Variants in RAD54L observed in about 807,000 individuals in gnomAD.
The protein encoded by RAD54L is RAD54 like, also known as DNA repair and recombination protein RAD54-like.
Under a neutral mutation model 91.6 loss-of-function variants are expected in RAD54L, and 74 were observed. The observed-to-expected ratio is 0.81, with a 90% CI of 0.67 to 0.98. RAD54L has a LOEUF of 0.98. RAD54L is among the 50% of genes least tolerant of loss of function. RAD54L has a pLI of 0.00. For synonymous variants in RAD54L, 304 were observed against 349.7 expected, an observed-to-expected ratio of 0.87 and a Z score of 1.46; for missense variants, 887 against 945.7, an observed-to-expected ratio of 0.94 and a Z score of 0.81.
At chr1:46,273,524 T>C (rs1261468142) in intron 13 of RAD54L, 59 bp downstream of exon 13, 13 of 1,611,236 alleles carry the variant, frequency 8.1e-6, no homozygotes, top group Non-Finnish European at 1.1e-5. Flanking sequence ...AGATTTTTTT[T>C]TGTGCTAGGG....
chr1:46,267,419 G>A, intron 8 of RAD54L, 40 bp from the exon 9 acceptor site: 2 of 1,612,626 alleles, frequency 1.2e-6, no homozygotes, highest in Non-Finnish European at 1.7e-6. Context: ...TACCGTATAG[G>A]GAATGCCACA....
At chr1:46,271,697 T>C (rs1303809852) in intron 10 of RAD54L, among the ~76,000 whole-genome samples, 1 of 152,166 alleles carries the variant, frequency 6.6e-6, no homozygotes, top group Non-Finnish European at 1.5e-5. Flanking sequence ...AATTGGTGTT[T>C]TCTTAAGATC....
At chr1:46,252,420 G>C (rs1659826766) in intron 3 of RAD54L, among the ~76,000 whole-genome samples, 1 of 152,140 alleles carries the variant, frequency 6.6e-6, no homozygotes. Flanking sequence ...AGCTATTGCA[G>C]GTGGCCAAGC....
intron 2 of RAD54L, 74 bp downstream of exon 2, chr1:46,248,672 G>T: frequency 1.4e-6 from 2 of 1,387,380 alleles, no homozygotes; most frequent in Non-Finnish European, 2.0e-6. Flanking sequence ...TGGTTTCTAG[G>T]GTTACATAGC....
intron 3 of RAD54L, among the ~76,000 whole-genome samples, chr1:46,255,197 T>C (rs1659908115): frequency 6.6e-6 from 1 of 152,100 alleles, no homozygotes; most frequent in Non-Finnish European, 1.5e-5. Flanking sequence ...ATCAAATGAA[T>C]ATTTGTTTTT....
In RAD54L at chr1:46,261,288, G is replaced by A; in HGVS notation, c.794G>A (p.Arg265Lys). ...GGATTCATGAACCAGCGTGGAGCCA[G>A]GGTGTCTTCTCCCATCCTCATCATT... is the stretch of plus-strand genomic sequence containing the variant. ...LEGFMNQRGA[R>K]VSSPILIISY... The change falls in exon 8 of 18, where the codon AGG (arginine) becomes AAG (lysine). Residue 265 changes from arginine (R) to lysine (K), a missense_variant. Coordinates refer to ENST00000371975, the MANE Select transcript of RAD54L (RefSeq NM_003579.4). The A allele has an allele frequency of 6.2e-7, 1 of 1,613,694 alleles. No individual in the cohort carries two copies. The highest frequency in any genetic ancestry group is 8.5e-7 in the Non-Finnish European group (1 of 1,179,940).
Position 46,272,729 on chromosome 1 carries a change from A to C in RAD54L, c.1302A>C (p.Ala434=), listed in dbSNP as rs1454746525. The change falls in exon 12 of 18, where the codon GCA becomes GCC. Residue 434 remains alanine, a synonymous_variant. Transcript: ENST00000371975. ...GGTTTCTGAGACAAGCCAAACCGGC[A>C]GAAGAATTGCTTGAGGGCAAGATGA... ...YKRFLRQAKP[A]EELLEGKMSV... 3.1e-6 allele frequency: 5 copies of C among 1,614,074 alleles called. No homozygotes were observed. The Admixed American group carries it at 6.7e-5, about 22-fold the overall frequency.
intron 16 of RAD54L, chr1:46,277,387 G>A: frequency 3.9e-6 from 1 of 254,308 alleles, no homozygotes; most frequent in Non-Finnish European, 7.7e-6. Context: ...CTGTTTAAAT[G>A]TTTGTCTAGG....
intron 10 of RAD54L, among the ~76,000 whole-genome samples, chr1:46,272,046 T>TTTTTG: frequency 8.1e-6 from 1 of 123,386 alleles, no homozygotes; most frequent in Non-Finnish European, 1.7e-5. Context: ...TTTTTTTTTT[T>TTTTTG]TTTTTTTTTT....
chr1:46,254,892 C>T (rs1297750534), intron 3 of RAD54L, among the ~76,000 whole-genome samples: 1 of 152,016 alleles, frequency 6.6e-6, no homozygotes, highest in Admixed American at 6.6e-5. Context: ...CGGTTGGGAG[C>T]ATTGAGCTCT....
At position 46,278,444 on chromosome 1, in the gene RAD54L, T is replaced by TA. The variant is rs1021043575; in HGVS notation, c.*170dup. On this transcript the variant is annotated 3_prime_UTR_variant, in exon 18 of 18. Transcript: ENST00000371975. The stretch of plus-strand genomic sequence containing the variant: ...ATTTTATAAGAAAAACTTTTTTGGT[T>TA]AAAAAAAAGAATAAAGGTATGAAAG... 5.1e-5 allele frequency: 45 copies of TA among 882,704 alleles called. No homozygotes were observed. The highest frequency in any genetic ancestry group is 6.3e-5 in the Non-Finnish European group (36 of 567,090). 54.7% of individuals were successfully genotyped at this position (882,704 alleles called of 1,614,324 possible).
chr1:46,258,594 C>A, intron 3 of RAD54L, 92 bp from the exon 4 acceptor site: 1 of 977,242 alleles, frequency 1.0e-6, no homozygotes, highest in Admixed American at 1.8e-5. Flanking sequence ...AAGATGGATG[C>A]TGTTGTACAA....
chr1:46,250,423 T>C (rs1659765722), intron 3 of RAD54L, among the ~76,000 whole-genome samples: 1 of 152,202 alleles, frequency 6.6e-6, no homozygotes, highest in Admixed American at 6.5e-5. Flanking sequence ...GACTTTAAGG[T>C]GTACCAGAGT....
Position 46,278,202 on chromosome 1 carries a change from G to A in RAD54L, c.2164G>A (p.Ala722Thr), listed in dbSNP as rs773848471. 1 of 1,613,968 alleles carries A rather than the reference G, an allele frequency of 6.2e-7. No individual in the cohort carries two copies. Among genetic ancestry groups the A allele is most frequent in the South Asian group, 1.1e-5 (1 of 91,006 alleles). Reference sequence around the variant, plus strand: ...GGGGCTCCGGGATGAGGTACTCCAGGCTGCCTGGGATGCTGCCTCCACTGC... The same window carrying A: ...GGGGCTCCGGGATGAGGTACTCCAGACTGCCTGGGATGCTGCCTCCACTGC... ...KWGLRDEVLQAAWDAASTAIT... is the reference protein window; with the variant it reads ...KWGLRDEVLQTAWDAASTAIT... The change falls in exon 18 of 18, where the codon GCT (alanine) becomes ACT (threonine). Residue 722 changes from alanine to threonine, a missense_variant. Transcript: ENST00000371975.
intron 10 of RAD54L, among the ~76,000 whole-genome samples, chr1:46,272,168 G>A (rs1429868877): frequency 2.7e-5 from 4 of 149,644 alleles, no homozygotes; most frequent in South Asian, 4.2e-4. Context: ...TCAGCTTCCC[G>A]AGTAGCTGGG....
rs1660061367 is a variant in RAD54L, at chr1:46,260,016, C to A, written c.324C>A (p.Ala108=). The part of the protein sequence containing the change: ...LGLKRAGVRR[A]LHDPLEKDAL... Reference sequence around the variant, plus strand: ...TGAAAAGGGCTGGGGTCCGCCGGGCCCTCCATGACCCCCTGGAAAAAGATG... The same window carrying A: ...TGAAAAGGGCTGGGGTCCGCCGGGCACTCCATGACCCCCTGGAAAAAGATG... The change falls in exon 5 of 18, where the codon GCC becomes GCA. Residue 108 remains alanine, a synonymous_variant. Transcript: ENST00000371975. 1 of 1,614,178 alleles carries A rather than the reference C, an allele frequency of 6.2e-7. No individual in the cohort carries two copies. The highest frequency in any genetic ancestry group is 1.1e-5 in the South Asian group (1 of 91,086).
chr1:46,276,531 C>G (rs1660607870), intron 16 of RAD54L, among the ~76,000 whole-genome samples: 1 of 152,172 alleles, frequency 6.6e-6, no homozygotes, highest in South Asian at 2.1e-4. Context: ...TCTTACTGGA[C>G]TATTCTTTTC....
intron 2 of RAD54L, 147 bp downstream of exon 2, chr1:46,248,745 G>A: frequency 1.3e-6 from 1 of 749,016 alleles, no homozygotes; most frequent in South Asian, 1.5e-5. Context: ...TATGTGCCAG[G>A]CATTGAACAA....
rs1222433697 is a variant in RAD54L at position 46,260,628 on chromosome 1, G to C, written c.477+17G>C. The C allele has an allele frequency of 2.5e-6, 4 of 1,613,968 alleles. No individual in the cohort carries two copies. Among genetic ancestry groups the C allele is most frequent in the Non-Finnish European group, 3.4e-6 (4 of 1,179,846 alleles). On this transcript the variant is annotated intron_variant, in intron 6 of 17. Coordinates refer to ENST00000371975, the MANE Select transcript of RAD54L (RefSeq NM_003579.4). ...CAGAGAGAGGTAAATGAGGGTGAGGGGAACGAGGTATGGGCTATGGGCTGA... is the reference window on the plus strand; with the variant it reads ...CAGAGAGAGGTAAATGAGGGTGAGGCGAACGAGGTATGGGCTATGGGCTGA...
Sources: allele counts gnomAD v4.1 joint callset (sites outside exome capture counted in the v4.1 genomes callset), GRCh38; gene constraint gnomAD v4.1.1; transcripts MANE v1.5; gene names NCBI Gene and HGNC (gene_info 2026-07-23, HGNC 2026-07-21).